The following TRDN variants were observed in gnomAD, a reference collection of about 807,000 sequenced individuals.
The protein encoded by TRDN is triadin, also known as triadin in skeletal muscle.
A neutral mutation model predicts 149.7 loss-of-function variants in TRDN; 161 were observed. The observed-to-expected ratio is 1.08, with a 90% CI of 0.95 to 1.23. TRDN has a LOEUF of 1.23. Ranked by LOEUF, TRDN falls within the 50% of genes most tolerant of loss-of-function variation. The probability of loss-of-function intolerance (pLI) is 0.00; values close to 1 mark genes in which losing one functional copy is unlikely to be tolerated. For missense variants in TRDN, 896 were observed against 823.5 expected, an observed-to-expected ratio of 1.09 and a Z score of -1.08; for synonymous variants, 294 against 250.5, an observed-to-expected ratio of 1.17 and a Z score of -1.64.
intron 1 of TRDN, among the ~76,000 whole-genome samples, chr6:123,610,001 A>G (rs1784720205): frequency 6.6e-6 from 1 of 152,180 alleles, no homozygotes; most frequent in Non-Finnish European, 1.5e-5. Flanking sequence ...AAGCTTTTTC[A>G]ATAAACTAAA....
chr6:123,301,381 A>G (rs1246805134), intron 24 of TRDN, among the ~76,000 whole-genome samples: 1 of 151,924 alleles, frequency 6.6e-6, no homozygotes, highest in Non-Finnish European at 1.5e-5. Context: ...CCATGTGAGT[A>G]AGGTCATTGA....
At chr6:123,486,982 A>G (rs985643264) in intron 9 of TRDN, among the ~76,000 whole-genome samples, 2 of 152,070 alleles carry the variant, frequency 1.3e-5, no homozygotes, top group Non-Finnish European at 2.9e-5. Flanking sequence ...TCAGATGGCT[A>G]CTATGGGCAA....
chr6:123,221,393 G>A (rs968792724), intron 40 of TRDN, 94 bp downstream of exon 40: 58 of 826,624 alleles, frequency 7.0e-5, no homozygotes, highest in South Asian at 8.0e-5. Flanking sequence ...TTTTTTCTTC[G>A]AATACTGGTC....
intron 26 of TRDN, among the ~76,000 whole-genome samples, chr6:123,275,358 C>A (rs1296527933): frequency 1.3e-5 from 2 of 151,920 alleles, no homozygotes; most frequent in Non-Finnish European, 2.9e-5. Context: ...ATAATAGAGG[C>A]AGAGATTGAA....
chr6:123,226,127 G>A (rs1227133772), intron 38 of TRDN, among the ~76,000 whole-genome samples: 1 of 151,626 alleles, frequency 6.6e-6, no homozygotes, highest in Non-Finnish European at 1.5e-5. Flanking sequence ...TTTTGATCTG[G>A]TCAGTTGTAA....
At chr6:123,357,227 G>A (rs1431279) in intron 20 of TRDN, among the ~76,000 whole-genome samples, 141,129 of 152,084 alleles carry the variant, frequency 0.93, 65,538 homozygotes, top group East Asian at 0.99. Flanking sequence ...TCCTAACATA[G>A]TAATTAATTA....
At chr6:123,532,648 T>G (rs1377337902) in intron 4 of TRDN, among the ~76,000 whole-genome samples, 1 of 151,954 alleles carries the variant, frequency 6.6e-6, no homozygotes, top group African/African-American at 2.4e-5. Flanking sequence ...TTGTAATAAT[T>G]TTTTAAAAGT....
At chr6:123,311,756 T>G (rs1394173293) in intron 24 of TRDN, among the ~76,000 whole-genome samples, 1 of 151,940 alleles carries the variant, frequency 6.6e-6, no homozygotes, top group Non-Finnish European at 1.5e-5. Context: ...TCATCTTTGT[T>G]AGAGGAAAAA....
chr6:123,323,586 G>A (rs1317279290), intron 23 of TRDN, among the ~76,000 whole-genome samples: 1 of 152,208 alleles, frequency 6.6e-6, no homozygotes, highest in East Asian at 1.9e-4. Flanking sequence ...TTATGCCTAA[G>A]TCCTGATTCT....
intron 2 of TRDN, among the ~76,000 whole-genome samples, chr6:123,567,265 C>A (rs1184211347): frequency 6.6e-6 from 1 of 152,182 alleles, no homozygotes; most frequent in Non-Finnish European, 1.5e-5. Flanking sequence ...TTACATTAGA[C>A]ATTTATGACT....
At chr6:123,469,471 A>T (rs976019306) in intron 9 of TRDN, among the ~76,000 whole-genome samples, 1 of 152,218 alleles carries the variant, frequency 6.6e-6, no homozygotes, top group Non-Finnish European at 1.5e-5. Flanking sequence ...AAATTTGCCT[A>T]TTAAACAAAG....
At chr6:123,384,390 C>A (rs912787063) in intron 14 of TRDN, among the ~76,000 whole-genome samples, 1 of 152,094 alleles carries the variant, frequency 6.6e-6, no homozygotes, top group Non-Finnish European at 1.5e-5. Flanking sequence ...GTCCAGAATA[C>A]AGCCAACAGG....
At chr6:123,303,412 T>A (rs952183352) in intron 24 of TRDN, among the ~76,000 whole-genome samples, 1 of 152,072 alleles carries the variant, frequency 6.6e-6, no homozygotes, top group African/African-American at 2.4e-5. Context: ...ACAGATAATA[T>A]AGGAGCTAAG....
intron 12 of TRDN, 65 bp downstream of exon 12, chr6:123,437,995 TGAG>T (rs1774667347): frequency 7.5e-7 from 1 of 1,333,902 alleles, no homozygotes; most frequent in African/African-American, 1.5e-5. Flanking sequence ...GTATGTTGCA[TGAG>T]GAGTCTTTCA....
At chr6:123,404,553 A>G (rs1486295879) in intron 12 of TRDN, among the ~76,000 whole-genome samples, 1 of 152,098 alleles carries the variant, frequency 6.6e-6, no homozygotes, top group African/African-American at 2.4e-5. Flanking sequence ...AGTACAAGTA[A>G]TTCTTCTGCC....
intron 22 of TRDN, among the ~76,000 whole-genome samples, chr6:123,334,329 A>G (rs1365524743): frequency 6.6e-6 from 1 of 152,056 alleles, no homozygotes; most frequent in Non-Finnish European, 1.5e-5. Flanking sequence ...TTGATGTCCA[A>G]TTGTATTACT....
At chr6:123,344,400 ACC>A (rs1780177600) in intron 21 of TRDN, among the ~76,000 whole-genome samples, 1 of 151,960 alleles carries the variant, frequency 6.6e-6, no homozygotes, top group Non-Finnish European at 1.5e-5. Context: ...TAATTTCATT[ACC>A]CTAAAAATTC....
At chr6:123,608,936 G>A (rs1784654539) in intron 1 of TRDN, among the ~76,000 whole-genome samples, 2 of 152,056 alleles carry the variant, frequency 1.3e-5, no homozygotes, top group Admixed American at 6.6e-5. Context: ...ACTTTGGGAA[G>A]CCGAGGCAGG....
intron 1 of TRDN, among the ~76,000 whole-genome samples, chr6:123,622,299 C>A (rs1464820657): frequency 3.8e-5 from 5 of 130,364 alleles, no homozygotes; most frequent in African/African-American, 1.6e-4. Flanking sequence ...TTATCTCTCT[C>A]TCTCTATATA....
Sources: gnomAD v4.1 joint callset for allele counts (sites outside exome capture counted in the v4.1 genomes callset) on GRCh38, gnomAD v4.1.1 for gene constraint, MANE v1.5 for transcripts, NCBI Gene and HGNC (gene_info 2026-07-23, HGNC 2026-07-21) for gene names.